DLGAP2: variants seen among roughly 807,000 people sequenced by gnomAD.
The protein encoded by DLGAP2 is disks large-associated protein 2.
Under a neutral mutation model 100.3 loss-of-function variants are expected in DLGAP2, and 26 were observed. The ratio of observed to expected loss-of-function variants is 0.26; its 90% CI spans 0.19 to 0.36. The LOEUF (loss-of-function observed/expected upper bound fraction) is 0.36. Ranked by LOEUF, DLGAP2 falls within the 10% of genes least tolerant of loss-of-function variation. The pLI is 1.00. For missense variants in DLGAP2, 1,858 were observed against 1,453.2 expected (o/e 1.28, Z -4.53); for synonymous variants, 886 against 630.1 (o/e 1.41, Z -6.08).
At chr8:782,470 G>A (rs1821720443) in intron 1 of DLGAP2, among the ~76,000 whole-genome samples, 2 of 152,120 alleles carry the variant, frequency 1.3e-5, no homozygotes, top group South Asian at 4.1e-4. Context: ...GCCATTTCAT[G>A]TGGATCAGTA....
intron 3 of DLGAP2, among the ~76,000 whole-genome samples, chr8:1,264,648 C>G (rs1364801601): frequency 6.6e-6 from 1 of 152,112 alleles, no homozygotes; most frequent in Non-Finnish European, 1.5e-5. Context: ...ACACAGAATT[C>G]TTGACAACAT....
intron 6 of DLGAP2, among the ~76,000 whole-genome samples, chr8:1,592,217 G>C (rs901944704): frequency 6.6e-6 from 1 of 152,182 alleles, no homozygotes; most frequent in Non-Finnish European, 1.5e-5. Context: ...GTTTAGTCCA[G>C]TTCACATTTA....
chr8:1,494,277 C>T (rs1324767861), intron 3 of DLGAP2, among the ~76,000 whole-genome samples: 1 of 152,250 alleles, frequency 6.6e-6, no homozygotes, highest in African/African-American at 2.4e-5. Flanking sequence ...GGCTTAACTG[C>T]TTCCTTTTGC....
chr8:1,165,684 GT>G (rs1797001354), intron 2 of DLGAP2, among the ~76,000 whole-genome samples: 2 of 152,070 alleles, frequency 1.3e-5, no homozygotes, highest in Admixed American at 1.3e-4. Flanking sequence ...TCGAATTTAC[GT>G]TTTTAGCTCA....
chr8:1,114,946 T>G (rs1191547871), intron 2 of DLGAP2, among the ~76,000 whole-genome samples: 2 of 152,262 alleles, frequency 1.3e-5, no homozygotes, highest in Non-Finnish European at 2.9e-5. Flanking sequence ...TTAATTTCAT[T>G]ATTTACCCAA....
chr8:1,038,128 C>T (rs995405894), intron 2 of DLGAP2, among the ~76,000 whole-genome samples: 5 of 152,262 alleles, frequency 3.3e-5, no homozygotes, highest in South Asian at 2.1e-4. Context: ...TACAAGTGTT[C>T]GTCCCTCTGG....
At chr8:1,458,750 G>C (rs1481867671) in intron 3 of DLGAP2, among the ~76,000 whole-genome samples, 1 of 152,236 alleles carries the variant, frequency 6.6e-6, no homozygotes, top group East Asian at 1.9e-4. Flanking sequence ...CCTAGGATGT[G>C]TCGGCTTTGA....
intron 3 of DLGAP2, among the ~76,000 whole-genome samples, chr8:1,279,392 C>G (rs1383393940): frequency 1.3e-5 from 2 of 152,166 alleles, no homozygotes; most frequent in Non-Finnish European, 2.9e-5. Context: ...TGATGTCTGT[C>G]TTAATTGATT....
At chr8:1,280,716 A>C (rs1223724028) in intron 3 of DLGAP2, among the ~76,000 whole-genome samples, 4 of 152,202 alleles carry the variant, frequency 2.6e-5, no homozygotes, top group African/African-American at 9.6e-5. Flanking sequence ...TGCCACCTTC[A>C]TCTGGGCAGA....
chr8:1,317,467 G>A lies in DLGAP2; in HGVS notation c.106+58584G>A, dbSNP rs1477007387. ...TTTTAAAAATAGAGGCTGTGCGAGT[G>A]CAGCGTCTCTCCAACAGTGGTCTAC... is the stretch of plus-strand genomic sequence containing the variant. On this transcript the variant is annotated intron_variant, in intron 3 of 14. Transcript: ENST00000637795. Among the ~76,000 whole-genome samples the A allele has an allele frequency of 2.4e-4, 35 of 144,004 alleles. 2 individuals are homozygous for A. Among genetic ancestry groups the A allele is most frequent in the African/African-American group, 8.4e-4 (31 of 36,992 alleles). 94.5% of individuals were successfully genotyped at this position (144,004 alleles called of 152,430 possible).
chr8:747,757 G>GGC (rs1563409262), intron 1 of DLGAP2, among the ~76,000 whole-genome samples: 5 of 37,110 alleles, frequency 1.3e-4, no homozygotes, highest in Non-Finnish European at 2.0e-4. Flanking sequence ...CGGTGGGATG[G>GGC]GGGTCTCTGC....
At chr8:1,285,277 G>T (rs1799899433) in intron 3 of DLGAP2, among the ~76,000 whole-genome samples, 1 of 152,032 alleles carries the variant, frequency 6.6e-6, no homozygotes, top group African/African-American at 2.4e-5. Flanking sequence ...CATATGAATT[G>T]TTTGCCATGA....
intron 2 of DLGAP2, among the ~76,000 whole-genome samples, chr8:1,173,410 A>G (rs183109069): frequency 3.3e-5 from 5 of 152,308 alleles, no homozygotes; most frequent in East Asian, 3.9e-4. Flanking sequence ...GCTCTCTTCA[A>G]AGCTGTCAGA....
chr8:1,090,659 G>A (rs1804149534), intron 2 of DLGAP2, among the ~76,000 whole-genome samples: 1 of 152,250 alleles, frequency 6.6e-6, no homozygotes, highest in Admixed American at 6.5e-5. Context: ...TCCAGAGGCT[G>A]CTGTGCAGGT....
intron 3 of DLGAP2, among the ~76,000 whole-genome samples, chr8:1,271,617 G>A (rs891284370): frequency 6.6e-6 from 1 of 152,142 alleles, no homozygotes; most frequent in Non-Finnish European, 1.5e-5. Flanking sequence ...CTCTAATGAT[G>A]ATGAATATTG....
chr8:922,573 T>G (rs1798737607), intron 2 of DLGAP2, among the ~76,000 whole-genome samples: 1 of 152,240 alleles, frequency 6.6e-6, no homozygotes, highest in Non-Finnish European at 1.5e-5. Flanking sequence ...AGCAGCACCT[T>G]ATTCTGGGAT....
At chr8:1,263,876 G>T (rs1288206107) in intron 3 of DLGAP2, among the ~76,000 whole-genome samples, 2 of 152,060 alleles carry the variant, frequency 1.3e-5, no homozygotes, top group African/African-American at 4.8e-5. Flanking sequence ...TTTTCTGATT[G>T]CTATTTGTGG....
In DLGAP2 at chr8:1,285,446, T is replaced by A. The variant is rs532921354; in HGVS notation, c.106+26563T>A. Among the ~76,000 whole-genome samples, 4 of 152,304 alleles carry A rather than the reference T, an allele frequency of 2.6e-5. No individual in the cohort carries two copies. The South Asian group carries it at 8.3e-4, about 32-fold the overall frequency. On this transcript the variant is annotated intron_variant, in intron 3 of 14. Transcript: ENST00000637795. ...AGTTTTGGAAGATATTTGAGAAGAATATGCTTATGAGTAGAGCCTGTCCTG... is the reference window on the plus strand; with the variant it reads ...AGTTTTGGAAGATATTTGAGAAGAAAATGCTTATGAGTAGAGCCTGTCCTG...
intron 3 of DLGAP2, among the ~76,000 whole-genome samples, chr8:1,327,595 A>C (rs1408026603): frequency 6.6e-6 from 1 of 152,210 alleles, no homozygotes; most frequent in Non-Finnish European, 1.5e-5. Flanking sequence ...CTGTAATCCC[A>C]GCACTTTGGG....
Sources: allele counts gnomAD v4.1 joint callset (sites outside exome capture counted in the v4.1 genomes callset), GRCh38; gene constraint gnomAD v4.1.1; transcripts MANE v1.5; gene names NCBI Gene and HGNC (gene_info 2026-07-23, HGNC 2026-07-21).